ELFN1: variants seen among roughly 807,000 people sequenced by gnomAD.
ELFN1 encodes the protein extracellular leucine rich repeat and fibronectin type III domain containing 1.
ELFN1 carries 6 observed loss-of-function variants against 7.6 expected under a neutral mutation model. The observed-to-expected ratio is 0.79, with a 90% CI of 0.43 to 1.56. ELFN1 has a LOEUF of 1.56. ELFN1 is among the 40% of genes most tolerant of loss of function. The pLI is 0.01. For missense variants in ELFN1, 1,169 were observed against 1,232.2 expected, an observed-to-expected ratio of 0.95 and a Z score of 0.77; for synonymous variants, 657 against 588.1, an observed-to-expected ratio of 1.12 and a Z score of -1.70.
At position 1,713,876 on chromosome 7, in the gene ELFN1, C is replaced by T. The variant is rs371689671; in HGVS notation, c.-294+4624C>T. ...GTGCCACTCCCCCAGCACTGCCGCACGCCCGGCTCCCCTCCCCCACCTCTC... is the reference window on the plus strand; with the variant it reads ...GTGCCACTCCCCCAGCACTGCCGCATGCCCGGCTCCCCTCCCCCACCTCTC... On this transcript the variant is annotated intron_variant, in intron 3 of 3. Transcript: ENST00000424383. Among the ~76,000 whole-genome samples, 17 of 152,262 alleles carry T rather than the reference C, an allele frequency of 1.1e-4. No homozygotes were observed. The East Asian group carries it at 2.1e-3, about 19-fold the overall frequency.
intron 1 of ELFN1, among the ~76,000 whole-genome samples, chr7:1,681,165 T>C (rs1778968662): frequency 6.6e-6 from 1 of 152,252 alleles, no homozygotes; most frequent in Non-Finnish European, 1.5e-5. Context: ...TCTTATAGAC[T>C]GTGTCAGTAG....
chr7:1,684,414 A>G (rs549165056), intron 1 of ELFN1, among the ~76,000 whole-genome samples: 1 of 152,230 alleles, frequency 6.6e-6, no homozygotes, highest in Non-Finnish European at 1.5e-5. Context: ...ATTGCTGTCC[A>G]GTCTGACAAT....
intron 1 of ELFN1, among the ~76,000 whole-genome samples, chr7:1,675,667 C>G (rs1369904484): frequency 6.6e-6 from 1 of 152,242 alleles, no homozygotes; most frequent in Non-Finnish European, 1.5e-5. Context: ...GGGGGGCTCC[C>G]CAGACCCTCG....
chr7:1,714,982 T>A (rs927079271), intron 3 of ELFN1, among the ~76,000 whole-genome samples: 5 of 152,192 alleles, frequency 3.3e-5, no homozygotes, highest in Non-Finnish European at 7.4e-5. Flanking sequence ...TCAGGATGGC[T>A]GCCACACCTC....
chr7:1,682,805 G>A (rs1198826713), intron 1 of ELFN1, among the ~76,000 whole-genome samples: 1 of 152,148 alleles, frequency 6.6e-6, no homozygotes. Flanking sequence ...TAGAGGAAAA[G>A]CATTCAGTCT....
intron 1 of ELFN1, among the ~76,000 whole-genome samples, chr7:1,675,687 C>T (rs1778857088): frequency 6.6e-6 from 1 of 152,228 alleles, no homozygotes; most frequent in Non-Finnish European, 1.5e-5. Context: ...GGCCGGTGCG[C>T]AGGAGGCCCT....
intron 3 of ELFN1, among the ~76,000 whole-genome samples, chr7:1,719,284 C>T (rs1266140220): frequency 2.2e-5 from 3 of 135,278 alleles, no homozygotes; most frequent in African/African-American, 1.1e-4. Flanking sequence ...AACAGGGCCC[C>T]GCCCACCAAC....
In ELFN1 at chr7:1,744,552, T is replaced by C; in HGVS notation, c.-45T>C. On this transcript the variant is annotated 5_prime_UTR_variant, in exon 4 of 4. Coordinates refer to ENST00000424383, the MANE Select transcript of ELFN1 (RefSeq NM_001128636.4). ...GGCTGGCGCCTGGCCCCCCACCTGGTCCCCCTGGGCAGGCTGAATTGGGGC... is the reference window on the plus strand; with the variant it reads ...GGCTGGCGCCTGGCCCCCCACCTGGCCCCCCTGGGCAGGCTGAATTGGGGC... 1.4e-6 allele frequency: 2 copies of C among 1,442,346 alleles called. No individual in the cohort carries two copies. The highest frequency in any genetic ancestry group is 9.1e-7 in the Non-Finnish European group (1 of 1,103,544). 89.3% of individuals were successfully genotyped at this position (1,442,346 alleles called of 1,614,324 possible). A position where few individuals can be genotyped will look rare whatever the true frequency, so the allele number is the denominator to read the frequency against.
At chr7:1,684,152 CA>C (rs1562358450) in intron 1 of ELFN1, among the ~76,000 whole-genome samples, 1 of 151,654 alleles carries the variant, frequency 6.6e-6, no homozygotes. Context: ...CCTGTCTCCC[CA>C]AAAAAATTTT....
upstream of ELFN1, among the ~76,000 whole-genome samples, chr7:1,667,787 G>A (rs1055505359): frequency 6.6e-6 from 1 of 152,156 alleles, no homozygotes; most frequent in Admixed American, 6.5e-5. The surrounding 1 kb of genome is among the most constrained non-coding windows in gnomAD (Gnocchi z 8.2). Flanking sequence ...TTCTGGGTCT[G>A]GGGGAGGGGC....
In ELFN1 at chr7:1,700,318, T is replaced by C. The variant is rs1028221715; in HGVS notation, c.-455-8773T>C. Among the ~76,000 whole-genome samples, 14 of 152,368 alleles carry C rather than the reference T, an allele frequency of 9.2e-5. No homozygotes were observed. The East Asian group carries it at 1.7e-3, about 19-fold the overall frequency. Reference sequence around the variant, plus strand: ...CAGTCAGGGTGAAGACGTAGAATGCTGGCGGCCCTCAGAGGCTTCTGGCGC... The same window carrying C: ...CAGTCAGGGTGAAGACGTAGAATGCCGGCGGCCCTCAGAGGCTTCTGGCGC... On this transcript the variant is annotated intron_variant, in intron 2 of 3. Coordinates refer to ENST00000424383, the MANE Select transcript of ELFN1 (RefSeq NM_001128636.4).
At chr7:1,708,999 G>T (rs1779595373) in intron 2 of ELFN1, 92 bp from the exon 3 acceptor site, 1 of 152,262 alleles carries the variant, frequency 6.6e-6, no homozygotes, top group East Asian at 1.9e-4. Flanking sequence ...ACAGCTGGTG[G>T]CTCCGGCAGG....
chr7:1,719,438 A>G (rs906567582), intron 3 of ELFN1, among the ~76,000 whole-genome samples: 42 of 152,122 alleles, frequency 2.8e-4, no homozygotes, highest in Non-Finnish European at 4.9e-4. Flanking sequence ...GCTCTGGGCT[A>G]GGCAGCCCCG....
chr7:1,681,900 A>C (rs1778981691), intron 1 of ELFN1, among the ~76,000 whole-genome samples: 1 of 152,198 alleles, frequency 6.6e-6, no homozygotes, highest in South Asian at 2.1e-4. Flanking sequence ...TTCTTCTTTG[A>C]TAAAATGTCT....
Position 1,735,082 on chromosome 7 carries a change from C to G in ELFN1, c.-293-9222C>G, listed in dbSNP as rs2128600305. ...GGGGAGTCTCAACTTCCTGGCTAGA[C>G]TTTCCCATGCTGAGCCTCTGTTTCC... On this transcript the variant is annotated intron_variant, in intron 3 of 3. Transcript: ENST00000424383. This position sits in a 1 kb window ranked among gnomAD's most constrained non-coding sequence, Gnocchi z 5.9. Among the ~76,000 whole-genome samples the G allele has an allele frequency of 6.6e-6, 1 of 152,290 alleles. No individual in the cohort carries two copies. Among genetic ancestry groups the G allele is most frequent in the Non-Finnish European group, 1.5e-5 (1 of 68,024 alleles).
intron 3 of ELFN1, among the ~76,000 whole-genome samples, chr7:1,743,774 G>A (rs531988607): frequency 1.3e-5 from 2 of 152,210 alleles, no homozygotes; most frequent in South Asian, 4.1e-4. Context: ...GGGGCGTTGT[G>A]GCCGGGCCTC....
At chr7:1,704,512 A>T (rs1753211151) in intron 2 of ELFN1, among the ~76,000 whole-genome samples, 1 of 152,112 alleles carries the variant, frequency 6.6e-6, no homozygotes. Context: ...ACACATGGTG[A>T]TACACACAAA....
At chr7:1,704,659 A>G (rs1422690572) in intron 2 of ELFN1, among the ~76,000 whole-genome samples, 1 of 151,990 alleles carries the variant, frequency 6.6e-6, no homozygotes, top group Non-Finnish European at 1.5e-5. Context: ...CTTGCTTGGG[A>G]GTCCCGTCTC....
intron 3 of ELFN1, among the ~76,000 whole-genome samples, chr7:1,725,340 T>C (rs1780158285): frequency 1.3e-5 from 2 of 151,444 alleles, no homozygotes; most frequent in Admixed American, 6.6e-5. Context: ...GCCCTGGTGG[T>C]GTGGAGAGGA....
Sources: allele counts gnomAD v4.1 joint callset (sites outside exome capture counted in the v4.1 genomes callset), GRCh38; gene constraint gnomAD v4.1.1; non-coding constraint Gnocchi (gnomAD v3.1); transcripts MANE v1.5; gene names NCBI Gene and HGNC (gene_info 2026-07-23, HGNC 2026-07-21).